Variants in SPPL2A observed in about 807,000 individuals in gnomAD.
SPPL2A encodes the protein signal peptide peptidase-like 2A.
SPPL2A carries 51 observed loss-of-function variants against 63.8 expected under a neutral mutation model. The observed-to-expected ratio is 0.80, with a 90% CI of 0.64 to 1.01. The LOEUF (loss-of-function observed/expected upper bound fraction) is 1.01, where lower values mean the gene tolerates loss of function less well. Ranked by LOEUF, SPPL2A falls within the 50% of genes least tolerant of loss-of-function variation. The pLI is 0.00. For missense variants in SPPL2A, 553 were observed against 622.7 expected, an observed-to-expected ratio of 0.89 and a Z score of 1.19; for synonymous variants, 188 against 205.8, an observed-to-expected ratio of 0.91 and a Z score of 0.74.
Position 50,706,747 on chromosome 15 carries a change from G to T in SPPL2A, c.*1053C>A, listed in dbSNP as rs976827829. Reference sequence around the variant, plus strand: ...ACCTTAACATTAACAGAACCAAATTGCAAAGATCAGAAATACCAAAGTGAA... The same window carrying T: ...ACCTTAACATTAACAGAACCAAATTTCAAAGATCAGAAATACCAAAGTGAA... On this transcript the variant is annotated 3_prime_UTR_variant, in exon 15 of 15. Transcript: ENST00000261854. 6.6e-6 allele frequency: 1 copy of T among 151,754 alleles called. No individual in the cohort carries two copies. The highest frequency in any genetic ancestry group is 1.5e-5 in the Non-Finnish European group (1 of 67,970). 9.4% of individuals were successfully genotyped at this position (151,754 alleles called of 1,614,324 possible). A position where few individuals can be genotyped will look rare whatever the true frequency, so the allele number is the denominator to read the frequency against.
At chr15:50,717,285 C>T (rs1266039110) in intron 14 of SPPL2A, among the ~76,000 whole-genome samples, 1 of 152,144 alleles carries the variant, frequency 6.6e-6, no homozygotes, top group Admixed American at 6.6e-5. Flanking sequence ...AGCAATCCTC[C>T]CACCTCAGGC....
intron 14 of SPPL2A, among the ~76,000 whole-genome samples, chr15:50,716,320 A>C (rs948571931): frequency 2.0e-5 from 3 of 151,970 alleles, no homozygotes; most frequent in Non-Finnish European, 4.4e-5. Context: ...TCAGCCTCCC[A>C]AGTAGCTGGG....
intron 14 of SPPL2A, among the ~76,000 whole-genome samples, chr15:50,718,952 G>A (rs79103251): frequency 1.4e-3 from 207 of 152,204 alleles, no homozygotes; most frequent in African/African-American, 4.4e-3. Flanking sequence ...AGAGCTAACT[G>A]CCTCACAAAG....
intron 1 of SPPL2A, among the ~76,000 whole-genome samples, chr15:50,759,534 G>A (rs2062990569): frequency 6.6e-6 from 1 of 152,128 alleles, no homozygotes; most frequent in South Asian, 2.1e-4. Context: ...ACAAGGTCAG[G>A]AGAACAAGAC....
chr15:50,712,342 G>C (rs1196190625), intron 14 of SPPL2A, among the ~76,000 whole-genome samples: 1 of 152,180 alleles, frequency 6.6e-6, no homozygotes, highest in African/African-American at 2.4e-5. Flanking sequence ...CAGAATTTAA[G>C]TTGGGAGTTA....
Position 50,703,354 on chromosome 15 carries a change from A to ATTTTTTTT in SPPL2A, c.*4445_*4446insAAAAAAAA, listed in dbSNP as rs1393595683. ...TATATATATATATATATACATATAT[A>ATTTTTTTT]TATTTTTTTTTTTTTTTTTTTTTTT... is the stretch of plus-strand genomic sequence containing the variant. On this transcript the variant is annotated 3_prime_UTR_variant, in exon 15 of 15. Transcript: ENST00000261854. The ATTTTTTTT allele has an allele frequency of 6.8e-4, 45 of 65,798 alleles. No individual in the cohort carries two copies. Among genetic ancestry groups the ATTTTTTTT allele is most frequent in the East Asian group, 1.8e-3 (3 of 1,696 alleles). 4.1% of individuals were successfully genotyped at this position (65,798 alleles called of 1,614,324 possible).
chr15:50,732,321 AAAT>A (rs1348329901), intron 9 of SPPL2A, among the ~76,000 whole-genome samples: 1 of 23,474 alleles, frequency 4.3e-5, no homozygotes. Flanking sequence ...AAATTTATAC[AAAT>A]AAAAGAAAGA....
At chr15:50,732,712 C>T in intron 8 of SPPL2A, 28 bp from the exon 9 acceptor site, 1 of 1,358,840 alleles carries the variant, frequency 7.4e-7, no homozygotes, top group Non-Finnish European at 1.0e-6. Context: ...TACTCTATTG[C>T]TTTATCAATG....
rs1317013561 is a variant in SPPL2A, at chr15:50,706,696, G to GA, written c.*1103dup. 1 of 151,634 alleles carries GA rather than the reference G, an allele frequency of 6.6e-6. No individual in the cohort carries two copies. The highest frequency in any genetic ancestry group is 1.5e-5 in the Non-Finnish European group (1 of 67,942). 9.4% of individuals were successfully genotyped at this position (151,634 alleles called of 1,614,324 possible). A position where few individuals can be genotyped will look rare whatever the true frequency, so the allele number is the denominator to read the frequency against. On this transcript the variant is annotated 3_prime_UTR_variant, in exon 15 of 15. Transcript: ENST00000261854. ...TATGTATTAATACATAATTTCTTAA[G>GA]AAAAATAATTTTTTTAAAAAATCAA...
At chr15:50,739,170 CTT>C (rs71127136) in intron 6 of SPPL2A, among the ~76,000 whole-genome samples, 37 of 106,942 alleles carry the variant, frequency 3.5e-4, no homozygotes, top group African/African-American at 1.0e-3. Flanking sequence ...ACATAACGTA[CTT>C]TTTTTTTTTT....
At chr15:50,751,656 T>C (rs1286619815) in intron 1 of SPPL2A, among the ~76,000 whole-genome samples, 3 of 152,168 alleles carry the variant, frequency 2.0e-5, no homozygotes, top group South Asian at 2.1e-4. Context: ...AAGTAATCTA[T>C]GGCACCATGT....
chr15:50,724,622 G>A (rs749657341), intron 12 of SPPL2A, among the ~76,000 whole-genome samples: 15 of 151,868 alleles, frequency 9.9e-5, no homozygotes, highest in Admixed American at 3.9e-4. Flanking sequence ...TCAGTTGATA[G>A]AGGAATATTA....
At chr15:50,764,199 A>C (rs912395988) in intron 1 of SPPL2A, among the ~76,000 whole-genome samples, 2 of 152,216 alleles carry the variant, frequency 1.3e-5, no homozygotes, top group African/African-American at 4.8e-5. Context: ...GAATGCAAAA[A>C]CACTTTGAAA....
intron 3 of SPPL2A, 84 bp downstream of exon 3, chr15:50,748,604 A>G (rs2141051965): frequency 1.1e-6 from 1 of 915,366 alleles, no homozygotes; most frequent in South Asian, 1.9e-5. Context: ...CAGCCTCTAA[A>G]CCACACACAA....
intron 5 of SPPL2A, among the ~76,000 whole-genome samples, chr15:50,743,710 T>C (rs2062838515): frequency 6.6e-6 from 1 of 152,142 alleles, no homozygotes; most frequent in Non-Finnish European, 1.5e-5. Context: ...AGAAGCACTA[T>C]TCTAGAGAAG....
intron 5 of SPPL2A, among the ~76,000 whole-genome samples, chr15:50,745,197 T>C (rs7166544): frequency 0.25 from 38,042 of 152,082 alleles, 5,721 homozygotes; most frequent in East Asian, 0.55. Context: ...GTCACCCAGC[T>C]TGGAGTGCAA....
At chr15:50,741,281 T>C (rs1446348693) in intron 5 of SPPL2A, among the ~76,000 whole-genome samples, 1 of 151,948 alleles carries the variant, frequency 6.6e-6, no homozygotes, top group Non-Finnish European at 1.5e-5. Flanking sequence ...CCCTGCTTGT[T>C]AGGTCTGGGC....
intron 1 of SPPL2A, among the ~76,000 whole-genome samples, chr15:50,753,759 TA>T (rs2062929346): frequency 6.6e-6 from 1 of 152,108 alleles, no homozygotes; most frequent in African/African-American, 2.4e-5. Context: ...GATGTGGAGA[TA>T]AGGGGTACAG....
intron 14 of SPPL2A, among the ~76,000 whole-genome samples, chr15:50,708,786 C>CT (rs2062534146): frequency 6.6e-6 from 1 of 151,828 alleles, no homozygotes; most frequent in Non-Finnish European, 1.5e-5. Flanking sequence ...GTAATCCCAG[C>CT]ACTTTGGGAG....
Sources: gnomAD v4.1 joint callset for allele counts (sites outside exome capture counted in the v4.1 genomes callset) on GRCh38, gnomAD v4.1.1 for gene constraint, MANE v1.5 for transcripts, NCBI Gene and HGNC (gene_info 2026-07-23, HGNC 2026-07-21) for gene names.